Variants in CDH26 observed in about 807,000 individuals in gnomAD.
CDH26 encodes the protein cadherin 26, also known as cadherin-like protein 26.
A neutral mutation model predicts 90.3 loss-of-function variants in CDH26; 83 were observed. The observed-to-expected ratio is 0.92, with a 90% CI of 0.77 to 1.10. The LOEUF (loss-of-function observed/expected upper bound fraction) is 1.10, where lower values mean the gene tolerates loss of function less well. Among genes scored for constraint, CDH26 ranks in the 50% least tolerant of loss-of-function variants. The pLI, the probability that CDH26 is intolerant of heterozygous loss-of-function variation, is 0.00. For missense variants in CDH26, 1,013 were observed against 1,037.6 expected (o/e 0.98, Z 0.33); for synonymous variants, 397 against 396.3 (o/e 1.00, Z -0.02).
At chr20:59,977,931 C>T (rs904403316) in intron 4 of CDH26, among the ~76,000 whole-genome samples, 1 of 152,198 alleles carries the variant, frequency 6.6e-6, no homozygotes, top group African/African-American at 2.4e-5. Context: ...CCCCTCCCTA[C>T]CCCCAGAACC....
At position 59,996,823 on chromosome 20, in the gene CDH26, C is replaced by G. The variant is rs534114705; in HGVS notation, c.2019+62C>G. ...AATTCACTAATACACAGACATATAG[C>G]ATGTATTTTTCCCCCCATTGTGCCA... is the stretch of plus-strand genomic sequence containing the variant. On this transcript the variant is annotated intron_variant, in intron 13 of 17. Transcript: ENST00000348616. 2.5e-6 allele frequency: 4 copies of G among 1,589,898 alleles called. No homozygotes were observed. In the African/African-American group the frequency reaches 5.4e-5, roughly 21 times the overall value.
Position 60,012,628 on chromosome 20 carries a change from G to C in CDH26, c.2397G>C (p.Leu799=), listed in dbSNP as rs1244458628. 1 of 1,613,972 alleles carries C rather than the reference G, an allele frequency of 6.2e-7. No individual in the cohort carries two copies. The highest frequency in any genetic ancestry group is 1.3e-5 in the African/African-American group (1 of 74,886). ...GAGGGGCCCCATCCCTCAGCTCTCT[G>C]GCCAGCTTGGAACAGGAGTTGCAAC... ...ECGGAPSLSS[L]ASLEQELQPD... is the part of the protein sequence containing the mutation. Residue 799 remains leucine (L), a synonymous_variant, in exon 18 of 18, where the codon CTG becomes CTC. Coordinates refer to ENST00000348616, the MANE Select transcript of CDH26 (RefSeq NM_177980.4).
chr20:59,987,408 G>T (rs763088025), intron 7 of CDH26, 45 bp from the exon 8 acceptor site: 4 of 1,506,618 alleles, frequency 2.7e-6, no homozygotes, highest in East Asian at 2.3e-5. Context: ...CTTTTCAATT[G>T]TGTTTTTGTT....
intron 3 of CDH26, 52 bp from the exon 4 acceptor site, chr20:59,971,910 G>C: frequency 6.9e-7 from 1 of 1,440,694 alleles, no homozygotes; most frequent in Non-Finnish European, 9.6e-7. Flanking sequence ...GATTATCATA[G>C]TGGCTTATTC....
In CDH26 at chr20:59,992,452, C is replaced by T. The variant is rs1467387821; in HGVS notation, c.1358C>T (p.Pro453Leu). The T allele has an allele frequency of 1.2e-6, 2 of 1,613,910 alleles. No individual in the cohort carries two copies. Among genetic ancestry groups the T allele is most frequent in the African/African-American group, 2.7e-5 (2 of 74,890 alleles). ...KNSGVVITVE[P>L]IDRESPHVNN... is the part of the protein sequence containing the mutation. ...TCCGGAGTGGTCATCACCGTGGAGCCAATTGACCGAGAATCCCCTCATGTA... is the reference window on the plus strand; with the variant it reads ...TCCGGAGTGGTCATCACCGTGGAGCTAATTGACCGAGAATCCCCTCATGTA... The change falls in exon 10 of 18, where the codon CCA (proline) becomes CTA (leucine). Residue 453 changes from proline (P) to leucine (L), a missense_variant. Physicochemically the swap from Pro to Leu is moderately conservative, Grantham distance 98. Coordinates refer to ENST00000348616, the MANE Select transcript of CDH26 (RefSeq NM_177980.4). This position sits in a 1 kb window ranked among gnomAD's most constrained non-coding sequence, Gnocchi z 5.0.
At chr20:60,011,018 C>T (rs1458336462) in intron 17 of CDH26, among the ~76,000 whole-genome samples, 1 of 152,140 alleles carries the variant, frequency 6.6e-6, no homozygotes, top group Non-Finnish European at 1.5e-5. Flanking sequence ...AGCAGAGAGG[C>T]AGGAAATGTG....
At chr20:60,025,719 G>C (rs1031080778) in intron 7 of CDH26, among the ~76,000 whole-genome samples, 1 of 152,178 alleles carries the variant, frequency 6.6e-6, no homozygotes, top group Admixed American at 6.5e-5. Context: ...TCCTCTCTCA[G>C]CCCAACTGAG....
intron 8 of CDH26, among the ~76,000 whole-genome samples, chr20:60,032,195 C>A (rs1355515359): frequency 2.6e-5 from 4 of 152,136 alleles, no homozygotes; most frequent in Non-Finnish European, 5.9e-5. Context: ...ACAGGTAAAA[C>A]CACCAAGGCT....
At chr20:59,993,974 A>G (rs1170613662) in intron 10 of CDH26, among the ~76,000 whole-genome samples, 1 of 151,846 alleles carries the variant, frequency 6.6e-6, no homozygotes, top group Non-Finnish European at 1.5e-5. Context: ...GCCTGGCACC[A>G]TTGATTGACC....
At chr20:59,988,846 G>T (rs2061489524) in intron 8 of CDH26, 58 bp from the exon 9 acceptor site, 22 of 1,581,442 alleles carry the variant, frequency 1.4e-5, no homozygotes, top group South Asian at 4.5e-5. Flanking sequence ...TCGGCGCTGG[G>T]CTTCCTCTGG....
Position 59,988,975 on chromosome 20 carries a change from C to G in CDH26, c.1095C>G (p.Phe365Leu), listed in dbSNP as rs2061492625. The G allele has an allele frequency of 1.9e-6, 3 of 1,614,026 alleles. No homozygotes were observed. Among genetic ancestry groups the G allele is most frequent in the Non-Finnish European group, 2.5e-6 (3 of 1,180,032 alleles). Residue 365 changes from phenylalanine to leucine, a missense_variant, in exon 9 of 18, where the codon TTC (phenylalanine) becomes TTG (leucine). Coordinates refer to ENST00000348616, the MANE Select transcript of CDH26 (RefSeq NM_177980.4). Reference protein sequence around the residue: ...IVVENEERLVFCERGKLQPPR... With the variant: ...IVVENEERLVLCERGKLQPPR... ...TGGAGAATGAGGAGAGGCTCGTCTT[C>G]TGTGAGAGAGGAAAGCTTCAGCCGC... is the stretch of plus-strand genomic sequence containing the variant.
intron 9 of CDH26, among the ~76,000 whole-genome samples, chr20:59,991,559 A>T (rs987994081): frequency 6.6e-6 from 1 of 152,362 alleles, no homozygotes; most frequent in African/African-American, 2.4e-5. Flanking sequence ...TTTCCCTAAG[A>T]GGTGAAGCAG....
chr20:60,019,074 A>G (rs138940088), downstream of CDH26, among the ~76,000 whole-genome samples: 164 of 152,162 alleles, frequency 1.1e-3, no homozygotes, highest in African/African-American at 3.8e-3. Flanking sequence ...TCTGCTGAGA[A>G]ATCCGCAGTC....
chr20:60,002,130 C>CA (rs1322834582), intron 15 of CDH26, among the ~76,000 whole-genome samples: 1 of 152,118 alleles, frequency 6.6e-6, no homozygotes, highest in Non-Finnish European at 1.5e-5. Context: ...GCCATAGAAT[C>CA]ATATCCAATT....
At chr20:60,006,858 T>C (rs1036464318) in intron 17 of CDH26, 71 bp downstream of exon 17, 30 of 1,119,188 alleles carry the variant, frequency 2.7e-5, no homozygotes, top group Admixed American at 1.0e-4. Flanking sequence ...CAGGCTTGAT[T>C]TGGGGACACT....
chr20:59,988,004 C>A (rs1026944716), intron 8 of CDH26, among the ~76,000 whole-genome samples: 6 of 152,136 alleles, frequency 3.9e-5, no homozygotes, highest in African/African-American at 1.4e-4. Context: ...AAAGTTCTTT[C>A]TTTTCATCTG....
At chr20:59,991,718 A>G (rs2061530015) in intron 9 of CDH26, among the ~76,000 whole-genome samples, 1 of 152,152 alleles carries the variant, frequency 6.6e-6, no homozygotes, top group Non-Finnish European at 1.5e-5. Flanking sequence ...TGGGACCTGC[A>G]CTTTTTGTTG....
intron 16 of CDH26, among the ~76,000 whole-genome samples, chr20:60,003,814 C>G (rs2061705705): frequency 1.3e-5 from 2 of 152,116 alleles, no homozygotes; most frequent in African/African-American, 4.8e-5. Flanking sequence ...GTGGCTAAGT[C>G]CACAGAAGCC....
Position 59,960,401 on chromosome 20 carries a change from A to C in CDH26, c.69+1606A>C, listed in dbSNP as rs560754004. Among the ~76,000 whole-genome samples, 5 of 151,996 alleles carry C rather than the reference A, an allele frequency of 3.3e-5. No homozygotes were observed. The East Asian group carries it at 9.7e-4, about 29-fold the overall frequency. ...TGGAGTTCCTTATGTTAAAACACAC[A>C]CACACACACACACACACACAGGCAC... On this transcript the variant is annotated intron_variant, in intron 1 of 17. Coordinates refer to ENST00000348616, the MANE Select transcript of CDH26 (RefSeq NM_177980.4).
Sources: gnomAD v4.1 joint callset for allele counts (sites outside exome capture counted in the v4.1 genomes callset) on GRCh38, gnomAD v4.1.1 for gene constraint, Gnocchi (gnomAD v3.1) non-coding constraint, MANE v1.5 for transcripts, NCBI Gene and HGNC (gene_info 2026-07-23, HGNC 2026-07-21) for gene names.